Variants in EPB41L1 observed in about 807,000 individuals in gnomAD.
EPB41L1 encodes the protein band 4.1-like protein 1.
In EPB41L1, 29 loss-of-function variants were observed where a neutral mutation model predicts 97.8. The ratio of observed to expected loss-of-function variants is 0.30; its 90% CI spans 0.22 to 0.40. The LOEUF (loss-of-function observed/expected upper bound fraction) is 0.40, where lower values mean the gene tolerates loss of function less well. Among genes scored for constraint, EPB41L1 ranks in the 10% least tolerant of loss-of-function variants. EPB41L1 has a pLI of 1.00. For synonymous variants in EPB41L1, 383 were observed against 459.2 expected (o/e 0.83, Z 2.12); for missense variants, 812 against 1,162.3 (o/e 0.70, Z 4.38).
Position 36,188,637 on chromosome 20 carries a change from CACACAGAG to C in EPB41L1, c.1026+140_1026+147del, listed in dbSNP as rs1295592653. 4.3e-4 allele frequency: 198 copies of C among 465,594 alleles called. No homozygotes were observed. In the African/African-American group the frequency reaches 5.3e-3, roughly 12 times the overall value. The allele number at this position is 465,594 out of a possible 1,614,324, so 28.8% of individuals were successfully genotyped here. The stretch of plus-strand genomic sequence containing the variant: ...ACACACACACACACACACACACACA[CACACAGAG>C]AGAGAGAGAGAGAGAGAGAGAGAGG... On this transcript the variant is annotated intron_variant, in intron 9 of 21. Coordinates refer to ENST00000338074, the MANE Select transcript of EPB41L1 (RefSeq NM_012156.2).
chr20:36,155,339 C>G (rs557168445), intron 1 of EPB41L1: 7 of 363,998 alleles, frequency 1.9e-5, no homozygotes, highest in Non-Finnish European at 3.8e-5. Flanking sequence ...GGACCCTTCC[C>G]CGCTCTGGGC....
intron 2 of EPB41L1, among the ~76,000 whole-genome samples, chr20:36,138,102 T>C (rs2059488719): frequency 6.6e-6 from 1 of 152,222 alleles, no homozygotes; most frequent in African/African-American, 2.4e-5. Context: ...AACATTTTGT[T>C]TATCCACTCA....
chr20:36,130,726 A>C (rs933226773), intron 2 of EPB41L1, among the ~76,000 whole-genome samples: 1 of 152,022 alleles, frequency 6.6e-6, no homozygotes, highest in Non-Finnish European at 1.5e-5. Context: ...CCCAGCATCC[A>C]GGGTGAATGG....
chr20:36,177,901 C>T, intron 3 of EPB41L1, 51 bp from the exon 4 acceptor site: 1 of 1,465,616 alleles, frequency 6.8e-7, no homozygotes, highest in Non-Finnish European at 9.6e-7. Context: ...ATCTCCCAGC[C>T]TCGCCCCGGG....
chr20:36,108,114 G>T (rs1402445170), intron 1 of EPB41L1, among the ~76,000 whole-genome samples: 1 of 151,712 alleles, frequency 6.6e-6, no homozygotes, highest in Non-Finnish European at 1.5e-5. Context: ...TAGTAGCTGG[G>T]ACTTTAGGAA....
rs952179565 is a variant in EPB41L1, at chr20:36,176,264, C to T, written c.342+549C>T. 3.9e-5 allele frequency among the ~76,000 whole-genome samples: 6 copies of T among 152,226 alleles called. No homozygotes were observed. In the East Asian group the frequency reaches 1.2e-3, roughly 29 times the overall value. On this transcript the variant is annotated intron_variant, in intron 3 of 21. Coordinates refer to ENST00000338074, the MANE Select transcript of EPB41L1 (RefSeq NM_012156.2). ...CATGTAGAAACCCTGTGGTATGGCC[C>T]TGCCCCATGGTGGTGACACAGCAGA... is the stretch of plus-strand genomic sequence containing the variant.
intron 2 of EPB41L1, among the ~76,000 whole-genome samples, chr20:36,145,838 G>C (rs2059811634): frequency 6.6e-6 from 1 of 152,198 alleles, no homozygotes; most frequent in South Asian, 2.1e-4. Context: ...CACTTGGTTT[G>C]TCATTCAAGG....
At chr20:36,095,859 A>G (rs2057812608) in intron 1 of EPB41L1, among the ~76,000 whole-genome samples, 1 of 152,058 alleles carries the variant, frequency 6.6e-6, no homozygotes, top group Non-Finnish European at 1.5e-5. Flanking sequence ...CCTGGCCAAT[A>G]TGGTAAAAAT....
intron 1 of EPB41L1, among the ~76,000 whole-genome samples, chr20:36,098,592 T>C (rs983829688): frequency 1.3e-5 from 2 of 152,234 alleles, no homozygotes; most frequent in African/African-American, 4.8e-5. Flanking sequence ...ACCAGTCATA[T>C]GGGATTTAGA....
chr20:36,155,260 G>A, intron 1 of EPB41L1: 1 of 444,630 alleles, frequency 2.2e-6, no homozygotes. Flanking sequence ...TGACGCTGCA[G>A]GAGGAGTTCT....
chr20:36,134,114 G>A (rs1189753635), intron 2 of EPB41L1, among the ~76,000 whole-genome samples: 2 of 152,200 alleles, frequency 1.3e-5, no homozygotes, highest in Non-Finnish European at 2.9e-5. Context: ...GGGCCACTCA[G>A]CTAGGAAGTG....
At chr20:36,220,190 AGGGACTGAGTAGAGTCTT>A (rs1223700068) in intron 19 of EPB41L1, among the ~76,000 whole-genome samples, 1 of 152,266 alleles carries the variant, frequency 6.6e-6, no homozygotes, top group East Asian at 1.9e-4. Flanking sequence ...TGGAAGAAGT[AGGGACTGAGTAGAGTCTT>A]GGAAAGCCAG....
At chr20:36,203,939 G>A (rs751723405) in intron 14 of EPB41L1, among the ~76,000 whole-genome samples, 2 of 152,224 alleles carry the variant, frequency 1.3e-5, no homozygotes, top group Non-Finnish European at 2.9e-5. Context: ...CTCCCTGTGG[G>A]GTGGGATTAA....
intron 1 of EPB41L1, among the ~76,000 whole-genome samples, chr20:36,166,671 G>A (rs958866246): frequency 6.6e-6 from 1 of 152,126 alleles, no homozygotes; most frequent in Non-Finnish European, 1.5e-5. Flanking sequence ...CAGATTGGCT[G>A]AGCCCAAGAA....
chr20:36,208,150 C>T (rs575725395), intron 14 of EPB41L1: 2 of 324,374 alleles, frequency 6.2e-6, no homozygotes, highest in Non-Finnish European at 1.2e-5. Context: ...GCTTGTCCAG[C>T]GATCTTTCTT....
Position 36,214,543 on chromosome 20 carries a change from C to T in EPB41L1, c.2268+103C>T, listed in dbSNP as rs983614935. On this transcript the variant is annotated intron_variant, in intron 17 of 21. Coordinates refer to ENST00000338074, the MANE Select transcript of EPB41L1 (RefSeq NM_012156.2). ...CCTGGCTGCTTCAGGAAGTTGTGAG[C>T]TGCCCTCGCTGCATCAGGCATGGGA... The T allele has an allele frequency of 3.6e-4, 316 of 889,352 alleles. 1 individual carries two copies. The highest frequency in any genetic ancestry group is 2.9e-4 in the Non-Finnish European group (161 of 554,946). 55.1% of individuals were successfully genotyped at this position (889,352 alleles called of 1,614,324 possible). A position where few individuals can be genotyped will look rare whatever the true frequency, so the allele number is the denominator to read the frequency against.
At position 36,121,912 on chromosome 20, in the gene EPB41L1, C is replaced by T. The variant is rs554376811; in HGVS notation, c.-10+9432C>T. The stretch of plus-strand genomic sequence containing the variant: ...CAGACCTTCAAGGCCCCTGAAACTA[C>T]GCACTTAACCTAGTTCTGCCTTGTG... On this transcript the variant is annotated intron_variant, in intron 2 of 19. Transcript: ENST00000202028. The T allele has an allele frequency of 9.4e-4, 143 of 152,344 alleles. 4 individuals are homozygous for T. Among genetic ancestry groups the T allele is most frequent in the Admixed American group, 1.3e-3 (20 of 15,310 alleles). 9.4% of individuals were successfully genotyped at this position (152,344 alleles called of 1,614,324 possible).
At chr20:36,194,462 G>A (rs2062097866) in intron 12 of EPB41L1, 102 bp downstream of exon 12, 1 of 1,446,950 alleles carries the variant, frequency 6.9e-7, no homozygotes. Flanking sequence ...CTGTGGCCAA[G>A]CACCCTTACT....
intron 2 of EPB41L1, among the ~76,000 whole-genome samples, chr20:36,148,028 G>A (rs1205690568): frequency 6.6e-6 from 1 of 152,110 alleles, no homozygotes; most frequent in Non-Finnish European, 1.5e-5. Flanking sequence ...GTGGAGATAA[G>A]GCAGAACTCA....
Sources: gnomAD v4.1 joint callset for allele counts (sites outside exome capture counted in the v4.1 genomes callset) on GRCh38, gnomAD v4.1.1 for gene constraint, MANE v1.5 for transcripts, NCBI Gene and HGNC (gene_info 2026-07-23, HGNC 2026-07-21) for gene names.